CTNNBL1: variants seen among roughly 807,000 people sequenced by gnomAD.
CTNNBL1 encodes the protein catenin beta like 1, also known as beta-catenin-like protein 1.
A neutral mutation model predicts 72.7 loss-of-function variants in CTNNBL1; 31 were observed. The ratio of observed to expected loss-of-function variants is 0.43; its 90% CI spans 0.32 to 0.58. The LOEUF (loss-of-function observed/expected upper bound fraction) is 0.58, where lower values mean the gene tolerates loss of function less well. Ranked by LOEUF, CTNNBL1 falls within the 20% of genes least tolerant of loss-of-function variation. CTNNBL1 has a pLI of 0.08. For missense variants in CTNNBL1, 534 were observed against 725.1 expected (o/e 0.74, Z 3.03); for synonymous variants, 240 against 267.3 (o/e 0.90, Z 1.00).
At chr20:37,762,166 C>CA (rs1211702286) in intron 5 of CTNNBL1, among the ~76,000 whole-genome samples, 1 of 152,160 alleles carries the variant, frequency 6.6e-6, no homozygotes, top group African/African-American at 2.4e-5. Flanking sequence ...TAGGATACAA[C>CA]AGGCCTGAGT....
intron 11 of CTNNBL1, among the ~76,000 whole-genome samples, chr20:37,837,551 C>G (rs2072265975): frequency 6.6e-6 from 1 of 152,158 alleles, no homozygotes; most frequent in African/African-American, 2.4e-5. Flanking sequence ...TTTACCTGCT[C>G]CCACGTACAA....
chr20:37,720,492 TTAAA>T (rs2073030823), intron 1 of CTNNBL1, among the ~76,000 whole-genome samples: 2 of 152,158 alleles, frequency 1.3e-5, no homozygotes, highest in African/African-American at 4.8e-5. Context: ...ACAGGATGAA[TTAAA>T]TAAATTATTT....
chr20:37,854,705 C>T (rs950163205), intron 13 of CTNNBL1, among the ~76,000 whole-genome samples: 1 of 151,818 alleles, frequency 6.6e-6, no homozygotes, highest in South Asian at 2.1e-4. Context: ...TCTCCTGCCT[C>T]AGCCTCCCAA....
At chr20:37,707,834 G>A (rs1881711089) in intron 1 of CTNNBL1, among the ~76,000 whole-genome samples, 1 of 152,184 alleles carries the variant, frequency 6.6e-6, no homozygotes, top group African/African-American at 2.4e-5. Context: ...AGAGATGTGA[G>A]ACTCTTTCTT....
intron 7 of CTNNBL1, among the ~76,000 whole-genome samples, chr20:37,770,641 GA>G (rs1339996274): frequency 6.6e-6 from 1 of 151,192 alleles, no homozygotes; most frequent in Non-Finnish European, 1.5e-5. Flanking sequence ...TGATCATAAT[GA>G]AGGGGCCCAT....
intron 12 of CTNNBL1, among the ~76,000 whole-genome samples, chr20:37,841,101 T>C (rs1252470977): frequency 6.6e-6 from 1 of 152,268 alleles, no homozygotes; most frequent in East Asian, 1.9e-4. Context: ...ACTTTCATCG[T>C]TGCATATATT....
intron 15 of CTNNBL1, among the ~76,000 whole-genome samples, chr20:37,864,035 G>A (rs2072515305): frequency 6.6e-6 from 1 of 152,116 alleles, no homozygotes; most frequent in Non-Finnish European, 1.5e-5. Context: ...CCCTGAACAG[G>A]GTGCTGCAAG....
chr20:37,826,466 T>C (rs548880826), intron 11 of CTNNBL1, among the ~76,000 whole-genome samples: 1 of 152,356 alleles, frequency 6.6e-6, no homozygotes, highest in South Asian at 2.1e-4. Context: ...TGGCAATATT[T>C]CACATTAAAT....
intron 5 of CTNNBL1, among the ~76,000 whole-genome samples, chr20:37,764,535 GCTACT>G (rs2073447383): frequency 2.0e-5 from 3 of 152,202 alleles, no homozygotes; most frequent in South Asian, 2.1e-4. Context: ...GTATGATGTG[GCTACT>G]GAAAGTTTCC....
chr20:37,807,320 C>T (rs748407785), intron 11 of CTNNBL1, among the ~76,000 whole-genome samples: 1 of 152,184 alleles, frequency 6.6e-6, no homozygotes, highest in Non-Finnish European at 1.5e-5. Flanking sequence ...AAACTGTCTC[C>T]ACCTCTGCCC....
At chr20:37,702,742 C>A (rs966278769) in intron 1 of CTNNBL1, among the ~76,000 whole-genome samples, 1 of 152,146 alleles carries the variant, frequency 6.6e-6, no homozygotes, top group Non-Finnish European at 1.5e-5. Context: ...CTCACACTTA[C>A]AAAACACATT....
At chr20:37,768,898 C>T (rs1185600931) in intron 7 of CTNNBL1, among the ~76,000 whole-genome samples, 1 of 152,168 alleles carries the variant, frequency 6.6e-6, no homozygotes, top group African/African-American at 2.4e-5. Flanking sequence ...CCTGCCTCAG[C>T]TTCCCGAGTA....
chr20:37,853,899 G>C (rs2072417187), intron 13 of CTNNBL1, among the ~76,000 whole-genome samples: 1 of 152,194 alleles, frequency 6.6e-6, no homozygotes, highest in Non-Finnish European at 1.5e-5. Flanking sequence ...TCTGACAACA[G>C]TCAACTTCAC....
intron 1 of CTNNBL1, among the ~76,000 whole-genome samples, chr20:37,730,788 G>A (rs371930092): frequency 1.3e-5 from 2 of 152,152 alleles, no homozygotes; most frequent in South Asian, 4.1e-4. Context: ...TCCAGCCTAG[G>A]CAACATAGTG....
chr20:37,770,413 G>A (rs1297901129), intron 7 of CTNNBL1, among the ~76,000 whole-genome samples: 4 of 152,188 alleles, frequency 2.6e-5, no homozygotes, highest in Admixed American at 6.5e-5. Context: ...GTAGCCACAC[G>A]TTAGGGACGC....
At chr20:37,868,845 C>T (rs1180226430) in intron 15 of CTNNBL1, among the ~76,000 whole-genome samples, 1 of 152,184 alleles carries the variant, frequency 6.6e-6, no homozygotes, top group Non-Finnish European at 1.5e-5. Flanking sequence ...TTCCCTCTCT[C>T]CTGGGTCTGA....
chr20:37,781,883 T>C (rs1360992254), intron 10 of CTNNBL1, among the ~76,000 whole-genome samples: 1 of 152,138 alleles, frequency 6.6e-6, no homozygotes, highest in African/African-American at 2.4e-5. Flanking sequence ...GAGGTGGCAG[T>C]ATGGAGCAGG....
At chr20:37,866,302 G>C (rs2072536364) in intron 15 of CTNNBL1, among the ~76,000 whole-genome samples, 1 of 152,242 alleles carries the variant, frequency 6.6e-6, no homozygotes, top group Admixed American at 6.5e-5. Flanking sequence ...GGGTAGTGTG[G>C]TGGTGGTATG....
At chr20:37,828,522 G>A (rs1400489259) in intron 11 of CTNNBL1, among the ~76,000 whole-genome samples, 1 of 152,156 alleles carries the variant, frequency 6.6e-6, no homozygotes, top group African/African-American at 2.4e-5. Context: ...TGCCAACTGA[G>A]TCTCTAGTTC....
Sources: gnomAD v4.1 joint callset for allele counts (sites outside exome capture counted in the v4.1 genomes callset) on GRCh38, gnomAD v4.1.1 for gene constraint, MANE v1.5 for transcripts, NCBI Gene and HGNC (gene_info 2026-07-23, HGNC 2026-07-21) for gene names.